Variants in GNG12 observed in about 807,000 individuals in gnomAD.
GNG12 encodes G protein subunit gamma 12.
For synonymous variants in GNG12, 28 were observed against 29.7 expected, an observed-to-expected ratio of 0.94 and a Z score of 0.19; for missense variants, 69 against 83.8, an observed-to-expected ratio of 0.82 and a Z score of 0.69.
At chr1:67,708,183 A>C (rs1047388472) in intron 2 of GNG12, among the ~76,000 whole-genome samples, 4 of 152,220 alleles carry the variant, frequency 2.6e-5, no homozygotes, top group Non-Finnish European at 4.4e-5. Context: ...AAGACTTGGC[A>C]ACAGAAAATG....
chr1:67,802,415 C>T (rs995849910), intron 1 of GNG12, among the ~76,000 whole-genome samples: 1 of 152,164 alleles, frequency 6.6e-6, no homozygotes, highest in African/African-American at 2.4e-5. Flanking sequence ...CATATTGGCT[C>T]TACAGCCCCA....
intron 2 of GNG12, among the ~76,000 whole-genome samples, chr1:67,720,091 T>G (rs533613528): frequency 1.3e-5 from 2 of 152,328 alleles, no homozygotes; most frequent in South Asian, 4.1e-4. Flanking sequence ...GATGCTCACT[T>G]GCTTGGTGGC....
At chr1:67,740,905 C>G (rs1461184268) in intron 2 of GNG12, among the ~76,000 whole-genome samples, 3 of 152,078 alleles carry the variant, frequency 2.0e-5, no homozygotes, top group African/African-American at 7.2e-5. Flanking sequence ...GTTTATAAGC[C>G]ATCCAATTTA....
intron 1 of GNG12, among the ~76,000 whole-genome samples, chr1:67,811,148 C>T (rs1386764249): frequency 6.6e-6 from 1 of 152,184 alleles, no homozygotes; most frequent in African/African-American, 2.4e-5. Flanking sequence ...GCTCTGAAGT[C>T]ATAGTTTTCA....
At chr1:67,824,509 CAAAA>C (rs35736017) in intron 1 of GNG12, among the ~76,000 whole-genome samples, 2 of 94,168 alleles carry the variant, frequency 2.1e-5, no homozygotes, top group African/African-American at 4.3e-5. Context: ...GATCCTGTCT[CAAAA>C]AAAAAAAAAA....
At chr1:67,790,002 G>A (rs1453662275) in intron 1 of GNG12, among the ~76,000 whole-genome samples, 1 of 152,102 alleles carries the variant, frequency 6.6e-6, no homozygotes, top group Non-Finnish European at 1.5e-5. Context: ...TTCTGTCATC[G>A]AAAACCAAAG....
At chr1:67,759,830 T>C (rs1206337380) in intron 2 of GNG12, among the ~76,000 whole-genome samples, 2 of 152,186 alleles carry the variant, frequency 1.3e-5, no homozygotes, top group Admixed American at 6.5e-5. Context: ...GTCCCAGTCA[T>C]GTATAAAACA....
At chr1:67,722,650 T>G (rs1646362701) in intron 2 of GNG12, among the ~76,000 whole-genome samples, 2 of 150,690 alleles carry the variant, frequency 1.3e-5, no homozygotes, top group African/African-American at 4.9e-5. Context: ...CTGAGGGGAG[T>G]GGTAGACAGC....
chr1:67,767,159 C>A (rs1186596178), intron 2 of GNG12, among the ~76,000 whole-genome samples: 1 of 152,148 alleles, frequency 6.6e-6, no homozygotes, highest in Non-Finnish European at 1.5e-5. Flanking sequence ...AACCTTAGGG[C>A]TCTTTAACTG....
chr1:67,787,047 G>GTGTA (rs1157034365), intron 1 of GNG12, among the ~76,000 whole-genome samples: 2 of 148,748 alleles, frequency 1.3e-5, no homozygotes, highest in Non-Finnish European at 3.0e-5. Flanking sequence ...GTGTGTGTGT[G>GTGTA]TGTGTGTGTG....
At chr1:67,763,194 T>C (rs1056781752) in intron 2 of GNG12, among the ~76,000 whole-genome samples, 2 of 151,716 alleles carry the variant, frequency 1.3e-5, no homozygotes, top group Non-Finnish European at 2.9e-5. Context: ...TTCTCATATA[T>C]AACCACACCA....
chr1:67,780,621 T>A (rs1173089042), intron 1 of GNG12, among the ~76,000 whole-genome samples: 1 of 152,170 alleles, frequency 6.6e-6, no homozygotes, highest in African/African-American at 2.4e-5. Context: ...AACCCAGGCC[T>A]GATAAAAACG....
At chr1:67,797,875 C>T (rs1170011023) in intron 1 of GNG12, among the ~76,000 whole-genome samples, 1 of 152,188 alleles carries the variant, frequency 6.6e-6, no homozygotes, top group Non-Finnish European at 1.5e-5. Flanking sequence ...TCAATTTCTA[C>T]TGTAAACAGG....
intron 1 of GNG12, among the ~76,000 whole-genome samples, chr1:67,796,677 G>C (rs1389720439): frequency 1.3e-5 from 2 of 152,070 alleles, no homozygotes; most frequent in Non-Finnish European, 2.9e-5. Context: ...TTCATAGGTG[G>C]GGTGCAGATA....
chr1:67,723,600 T>C (rs531446322), intron 2 of GNG12, among the ~76,000 whole-genome samples: 5 of 152,336 alleles, frequency 3.3e-5, no homozygotes, highest in East Asian at 3.9e-4. Context: ...CCAAGCATTG[T>C]TCTAAGGGCT....
intron 2 of GNG12, among the ~76,000 whole-genome samples, chr1:67,733,108 G>A (rs1646430419): frequency 6.6e-6 from 1 of 152,176 alleles, no homozygotes. Flanking sequence ...AGCTGACTGT[G>A]ACTGGAATCA....
intron 2 of GNG12, among the ~76,000 whole-genome samples, chr1:67,766,401 T>G (rs920124206): frequency 6.6e-5 from 10 of 152,134 alleles, no homozygotes; most frequent in African/African-American, 2.4e-4. Context: ...CGCTCCTGCT[T>G]CTTCTCAATA....
intron 1 of GNG12, among the ~76,000 whole-genome samples, chr1:67,826,698 C>T (rs749503159): frequency 1.8e-4 from 27 of 152,196 alleles, no homozygotes; most frequent in Non-Finnish European, 3.7e-4. Flanking sequence ...ATAAGGTCTT[C>T]AATAAGCCTC....
intron 1 of GNG12, among the ~76,000 whole-genome samples, chr1:67,830,882 G>A (rs1436898873): frequency 6.6e-6 from 1 of 152,144 alleles, no homozygotes; most frequent in Non-Finnish European, 1.5e-5. Flanking sequence ...CCTGCTGCTT[G>A]AACAAGCTAG....
Sources: allele counts gnomAD v4.1 joint callset (sites outside exome capture counted in the v4.1 genomes callset), GRCh38; gene constraint gnomAD v4.1.1; transcripts MANE v1.5; gene names NCBI Gene and HGNC (gene_info 2026-07-23, HGNC 2026-07-21).